The following GABRB1 variants were observed in gnomAD, a reference collection of about 807,000 sequenced individuals.
GABRB1 encodes the protein gamma-aminobutyric acid type A receptor subunit beta1, also known as gamma-aminobutyric acid receptor subunit beta-1.
A neutral mutation model predicts 51.6 loss-of-function variants in GABRB1; 17 were observed. The ratio of observed to expected loss-of-function variants is 0.33; its 90% CI spans 0.23 to 0.49. The LOEUF (loss-of-function observed/expected upper bound fraction) is 0.49, where lower values mean the gene tolerates loss of function less well. Among genes scored for constraint, GABRB1 ranks in the 20% least tolerant of loss-of-function variants. The probability of loss-of-function intolerance (pLI) is 0.99; values close to 1 mark genes in which losing one functional copy is unlikely to be tolerated. For synonymous variants in GABRB1, 247 were observed against 218.9 expected (o/e 1.13, Z -1.14); for missense variants, 410 against 600.6 (o/e 0.68, Z 3.32).
chr4:47,049,809 T>G (rs1330025237), intron 3 of GABRB1, among the ~76,000 whole-genome samples: 2 of 152,150 alleles, frequency 1.3e-5, no homozygotes, highest in Non-Finnish European at 2.9e-5. Flanking sequence ...AGAACATAGT[T>G]TAGGGAAAAA....
intron 4 of GABRB1, among the ~76,000 whole-genome samples, chr4:47,194,632 A>G (rs1264362825): frequency 6.6e-6 from 1 of 152,244 alleles, no homozygotes; most frequent in Non-Finnish European, 1.5e-5. Flanking sequence ...TCAGTGCTGC[A>G]CAAAAGTTAC....
At chr4:47,174,046 T>C (rs537176267) in intron 4 of GABRB1, among the ~76,000 whole-genome samples, 1 of 152,142 alleles carries the variant, frequency 6.6e-6, no homozygotes, top group Non-Finnish European at 1.5e-5. Flanking sequence ...TTCCCTTTTT[T>C]GTTTTTTTTG....
chr4:47,125,660 A>G (rs995763197), intron 3 of GABRB1, among the ~76,000 whole-genome samples: 1 of 136,664 alleles, frequency 7.3e-6, no homozygotes, highest in African/African-American at 2.7e-5. Flanking sequence ...GGTTCACGCC[A>G]TTCTCCTGCC....
chr4:47,326,119 T>A (rs900145686), intron 5 of GABRB1, among the ~76,000 whole-genome samples: 2 of 152,312 alleles, frequency 1.3e-5, no homozygotes, highest in African/African-American at 4.8e-5. Context: ...GGGGCATAAA[T>A]CATCCCTTTA....
chr4:47,212,447 C>A (rs1462076659), intron 4 of GABRB1, among the ~76,000 whole-genome samples: 1 of 152,142 alleles, frequency 6.6e-6, no homozygotes, highest in Non-Finnish European at 1.5e-5. Context: ...GAGGCTGAGG[C>A]CTTTGGATCA....
intron 4 of GABRB1, among the ~76,000 whole-genome samples, chr4:47,289,273 A>G (rs1436908175): frequency 6.6e-6 from 1 of 152,118 alleles, no homozygotes; most frequent in Non-Finnish European, 1.5e-5. Flanking sequence ...TTCCGTTTTG[A>G]ACCTATTATT....
At chr4:47,043,256 A>T (rs1011177919) in intron 3 of GABRB1, 1 of 152,050 alleles carries the variant, frequency 6.6e-6, no homozygotes, top group African/African-American at 2.4e-5. Flanking sequence ...TGAGAGGAAG[A>T]CTGGATAAAA....
At chr4:46,994,330 C>G (rs1723901510) in intron 1 of GABRB1, 1 of 152,064 alleles carries the variant, frequency 6.6e-6, no homozygotes, top group Admixed American at 6.6e-5. Context: ...GACAAGCGAC[C>G]TCTGGTCAAA....
chr4:47,107,093 A>G (rs1250814606), intron 3 of GABRB1, among the ~76,000 whole-genome samples: 3 of 152,140 alleles, frequency 2.0e-5, no homozygotes, highest in Non-Finnish European at 4.4e-5. Flanking sequence ...AAACACTTTA[A>G]CAGCTAAAGA....
chr4:47,318,726 G>A (rs893607520), intron 4 of GABRB1, among the ~76,000 whole-genome samples: 1 of 152,018 alleles, frequency 6.6e-6, no homozygotes, highest in African/African-American at 2.4e-5. Context: ...TGTTTTTCTG[G>A]TCAGTGAAGT....
At chr4:47,132,586 T>G (rs1399503954) in intron 3 of GABRB1, among the ~76,000 whole-genome samples, 1 of 152,190 alleles carries the variant, frequency 6.6e-6, no homozygotes, top group African/African-American at 2.4e-5. Context: ...AAATGAACTT[T>G]TTATAAGGTA....
intron 4 of GABRB1, among the ~76,000 whole-genome samples, chr4:47,289,772 C>A (rs1723654492): frequency 6.6e-6 from 1 of 152,176 alleles, no homozygotes; most frequent in Non-Finnish European, 1.5e-5. Flanking sequence ...ATATAAACTA[C>A]CTGAAAACCT....
At chr4:47,365,219 T>C (rs958365594) in intron 5 of GABRB1, among the ~76,000 whole-genome samples, 1 of 152,226 alleles carries the variant, frequency 6.6e-6, no homozygotes, top group African/African-American at 2.4e-5. Context: ...TCAGCTTGCA[T>C]GACTGCTACA....
At chr4:47,009,315 A>C (rs887454261) in intron 1 of GABRB1, among the ~76,000 whole-genome samples, 1 of 151,802 alleles carries the variant, frequency 6.6e-6, no homozygotes, top group Non-Finnish European at 1.5e-5. Context: ...CACATTTACC[A>C]CACAAAATAT....
intron 4 of GABRB1, among the ~76,000 whole-genome samples, chr4:47,207,109 A>G (rs1019002770): frequency 2.0e-5 from 3 of 151,944 alleles, no homozygotes; most frequent in African/African-American, 7.2e-5. Flanking sequence ...AGAGACTATT[A>G]GAATTTATTA....
chr4:47,122,028 A>G (rs1226521210), intron 3 of GABRB1, among the ~76,000 whole-genome samples: 1 of 137,278 alleles, frequency 7.3e-6, no homozygotes, highest in Non-Finnish European at 1.6e-5. Context: ...CATTTCCATG[A>G]TATCTATATC....
At chr4:47,281,391 G>A (rs1399448618) in intron 4 of GABRB1, among the ~76,000 whole-genome samples, 1 of 152,146 alleles carries the variant, frequency 6.6e-6, no homozygotes, top group Non-Finnish European at 1.5e-5. Context: ...AAAGACAAAT[G>A]ATAATATGTT....
In GABRB1 at chr4:47,234,866, T is replaced by TGA. The variant is rs1332085436; in HGVS notation, c.461+73399_461+73400dup. Reference sequence around the variant, plus strand: ...TCACCCTTTAGCAGAAAACAATCATTGAGCACCTGCAAATGTGCCTCACAC... The same window carrying TGA: ...TCACCCTTTAGCAGAAAACAATCATTGAGAGCACCTGCAAATGTGCCTCACAC... On this transcript the variant is annotated intron_variant, in intron 4 of 8. Transcript: ENST00000295454. 3.2e-4 allele frequency among the ~76,000 whole-genome samples: 49 copies of TGA among 152,318 alleles called. 1 individual carries two copies. Among genetic ancestry groups the TGA allele is most frequent in the Admixed American group, 3.2e-3 (49 of 15,284 alleles).
intron 3 of GABRB1, among the ~76,000 whole-genome samples, chr4:47,063,330 TA>T (rs371999610): frequency 6.6e-6 from 1 of 152,150 alleles, no homozygotes; most frequent in East Asian, 1.9e-4. Flanking sequence ...TTATTTAAGA[TA>T]AAAAAACACA....
Sources: allele counts gnomAD v4.1 joint callset (sites outside exome capture counted in the v4.1 genomes callset), GRCh38; gene constraint gnomAD v4.1.1; transcripts MANE v1.5; gene names NCBI Gene and HGNC (gene_info 2026-07-23, HGNC 2026-07-21).